EWSR1: variants seen among roughly 807,000 people sequenced by gnomAD.
The protein encoded by EWSR1 is RNA-binding protein EWS.
EWSR1 carries 14 observed loss-of-function variants against 92.1 expected under a neutral mutation model. That is an observed-to-expected ratio of 0.15 (90% CI 0.10 to 0.24). The LOEUF is 0.24. EWSR1 is among the 10% of genes least tolerant of loss of function. The pLI, the probability that EWSR1 is intolerant of heterozygous loss-of-function variation, is 1.00. For missense variants in EWSR1, 637 were observed against 870.9 expected, an observed-to-expected ratio of 0.73 and a Z score of 3.38; for synonymous variants, 303 against 292.9, an observed-to-expected ratio of 1.03 and a Z score of -0.35.
intron 1 of EWSR1, 131 bp downstream of exon 1, chr22:29,268,480 C>A: frequency 6.5e-7 from 1 of 1,529,694 alleles, no homozygotes; most frequent in Non-Finnish European, 9.0e-7. Flanking sequence ...CGCCGCGGCC[C>A]GACGAGCTCG....
At chr22:29,286,872 C>G in intron 6 of EWSR1, 51 bp from the exon 7 acceptor site, 1 of 1,424,636 alleles carries the variant, frequency 7.0e-7, no homozygotes, top group Non-Finnish European at 9.8e-7. Context: ...TTTGAAATAA[C>G]AAGCCTCTTT....
In EWSR1 at chr22:29,300,222, T is replaced by A; in HGVS notation, c.*61T>A. ...ATTTATTTTTTAAACCAGAAAATGT[T>A]TTAAATTTATAATTCCATATTTATA... On this transcript the variant is annotated 3_prime_UTR_variant, in exon 17 of 17. Coordinates refer to ENST00000397938, the MANE Select transcript of EWSR1 (RefSeq NM_005243.4). The A allele has an allele frequency of 6.8e-7, 1 of 1,472,316 alleles. No individual in the cohort carries two copies. Among genetic ancestry groups the A allele is most frequent in the Non-Finnish European group, 9.5e-7 (1 of 1,057,780 alleles). 91.2% of individuals were successfully genotyped at this position (1,472,316 alleles called of 1,614,324 possible).
intron 9 of EWSR1, 194 bp from the exon 10 acceptor site, chr22:29,291,943 G>T: frequency 1.6e-6 from 1 of 612,810 alleles, no homozygotes. Context: ...AACCAGCAAA[G>T]GAAAAAAGCA....
intron 6 of EWSR1, 32 bp from the exon 7 acceptor site, chr22:29,286,891 G>C (rs772873466): frequency 2.7e-6 from 4 of 1,470,224 alleles, no homozygotes; most frequent in Non-Finnish European, 3.8e-6. Flanking sequence ...TTCTAAAAAA[G>C]CTTTTTTTTT....
At chr22:29,275,604 G>A (rs1202441117) in intron 4 of EWSR1, 5 of 229,272 alleles carry the variant, frequency 2.2e-5, no homozygotes, top group African/African-American at 1.1e-4. Flanking sequence ...AACTTAGCAG[G>A]AGCCTAATTG....
In EWSR1 at chr22:29,299,662, G is replaced by A. The variant is rs763277358; in HGVS notation, c.1742G>A (p.Arg581His). The change falls in exon 16 of 17, where the codon CGT becomes CAT. Residue 581 changes from arginine to histidine, a missense_variant. Arg to His is a conservative substitution (Grantham distance 29). This residue lies in a region of EWSR1 where 363 missense variants were observed against 447.8 expected (regional missense o/e 0.81). Transcript: ENST00000397938. ...GGAGGAAGAGGTGGCCTCATGGATC[G>A]TGGTGGTCCCGGTGGAATGTTCAGA... ...MRGGRGGLMD[R>H]GGPGGMFRGG... is the part of the protein sequence containing the mutation. 15 of 1,611,640 alleles carry A rather than the reference G, an allele frequency of 9.3e-6. No individual in the cohort carries two copies. The highest frequency in any genetic ancestry group is 8.0e-5 in the African/African-American group (6 of 74,788).
At position 29,282,471 on chromosome 22, in the gene EWSR1, T is replaced by C. The variant is rs779679844; in HGVS notation, c.495T>C (p.Tyr165=). Residue 165 remains tyrosine (Y), a synonymous_variant, in exon 6 of 17, where the codon TAT becomes TAC. Coordinates refer to ENST00000397938, the MANE Select transcript of EWSR1 (RefSeq NM_005243.4). ...GTTACAACCAGCCCAGCCTAGGATA[T>C]GGACAGAGTAACTACAGTTATCCCC... The part of the protein sequence containing the change: ...TGGYNQPSLG[Y]GQSNYSYPQV... 1.5e-5 allele frequency: 23 copies of C among 1,584,644 alleles called. No individual in the cohort carries two copies. The highest frequency in any genetic ancestry group is 2.0e-5 in the Non-Finnish European group (23 of 1,169,408).
At chr22:29,299,176 C>T in intron 14 of EWSR1, 58 bp from the exon 15 acceptor site, 1 of 1,613,736 alleles carries the variant, frequency 6.2e-7, no homozygotes, top group Non-Finnish European at 8.5e-7. Flanking sequence ...CACCACCTTT[C>T]CTTGTTTATC....
intron 11 of EWSR1, among the ~76,000 whole-genome samples, chr22:29,294,466 C>G (rs998629749): frequency 2.7e-5 from 4 of 150,676 alleles, no homozygotes; most frequent in Non-Finnish European, 5.9e-5. Context: ...ATTAGCCAGG[C>G]TTGGTGGCGG....
chr22:29,275,514 T>C lies in EWSR1; in HGVS notation c.226+1650T>C, dbSNP rs1419213323. 1.8e-5 allele frequency: 4 copies of C among 221,342 alleles called. No individual in the cohort carries two copies. In the East Asian group the frequency reaches 2.7e-4, roughly 15 times the overall value. 13.7% of individuals were successfully genotyped at this position (221,342 alleles called of 1,614,324 possible). A position where few individuals can be genotyped will look rare whatever the true frequency, so the allele number is the denominator to read the frequency against. On this transcript the variant is annotated intron_variant, in intron 4 of 16. Coordinates refer to ENST00000397938, the MANE Select transcript of EWSR1 (RefSeq NM_005243.4). ...ATTCACAGTTTATAGAGTGGCCTTCTTGTCTCCCTTAATCCTCCCAAGAAC... is the reference window on the plus strand; with the variant it reads ...ATTCACAGTTTATAGAGTGGCCTTCCTGTCTCCCTTAATCCTCCCAAGAAC...
intron 1 of EWSR1, among the ~76,000 whole-genome samples, chr22:29,270,248 G>C (rs2058563400): frequency 6.6e-6 from 1 of 152,156 alleles, no homozygotes; most frequent in South Asian, 2.1e-4. Flanking sequence ...ATCTCATGTA[G>C]AAAAGTACGT....
At chr22:29,278,917 C>T (rs1169186500) in intron 5 of EWSR1, among the ~76,000 whole-genome samples, 1 of 151,568 alleles carries the variant, frequency 6.6e-6, no homozygotes, top group Admixed American at 6.6e-5. Flanking sequence ...ATTACTTGAA[C>T]CTGGGAGATG....
chr22:29,268,868 C>T lies in EWSR1; in HGVS notation c.13+519C>T, dbSNP rs774450695. 5.9e-5 allele frequency among the ~76,000 whole-genome samples: 9 copies of T among 152,220 alleles called. No homozygotes were observed. In the South Asian group the frequency reaches 1.7e-3, roughly 28 times the overall value. On this transcript the variant is annotated intron_variant, in intron 1 of 16. Coordinates refer to ENST00000397938, the MANE Select transcript of EWSR1 (RefSeq NM_005243.4). Reference sequence around the variant, plus strand: ...AGGGGTGCCGGCCTATGAGCGGGAGCCCCGTCATCCTTAAGACCCAGTCGG... The same window carrying T: ...AGGGGTGCCGGCCTATGAGCGGGAGTCCCGTCATCCTTAAGACCCAGTCGG...
At chr22:29,285,681 C>T (rs938023348) in intron 6 of EWSR1, among the ~76,000 whole-genome samples, 2 of 151,188 alleles carry the variant, frequency 1.3e-5, no homozygotes, top group East Asian at 1.9e-4. Flanking sequence ...AGATTATTGG[C>T]GGGCAGGCTT....
intron 11 of EWSR1, among the ~76,000 whole-genome samples, chr22:29,294,381 T>C (rs898987029): frequency 4.8e-4 from 73 of 151,202 alleles, no homozygotes; most frequent in African/African-American, 1.7e-3. Flanking sequence ...CCGAGGCGGG[T>C]GGATCACGAG....
chr22:29,300,001 GGCTTCCTC>G, intron 16 of EWSR1, 113 bp from the exon 17 acceptor site: 9 of 918,180 alleles, frequency 9.8e-6, no homozygotes, highest in Non-Finnish European at 1.4e-6. Context: ...GCTCTGGAAG[GGCTTCCTC>G]ACCCCTTCCC....
At chr22:29,298,409 G>C (rs2061039472) in intron 13 of EWSR1, among the ~76,000 whole-genome samples, 1 of 152,078 alleles carries the variant, frequency 6.6e-6, no homozygotes, top group Admixed American at 6.5e-5. Context: ...GGGAGGCTGA[G>C]GCAGGAGAAT....
At chr22:29,291,943 G>C in intron 9 of EWSR1, 194 bp from the exon 10 acceptor site, 1 of 612,810 alleles carries the variant, frequency 1.6e-6, no homozygotes, top group East Asian at 2.8e-5. Flanking sequence ...AACCAGCAAA[G>C]GAAAAAAGCA....
intron 3 of EWSR1, among the ~76,000 whole-genome samples, chr22:29,273,241 A>G (rs2058825326): frequency 1.3e-5 from 2 of 152,220 alleles, no homozygotes; most frequent in Admixed American, 6.5e-5. Flanking sequence ...TAGTAGTTTT[A>G]AAGTCTTTTT....
Sources: allele counts gnomAD v4.1 joint callset (sites outside exome capture counted in the v4.1 genomes callset), GRCh38; gene constraint gnomAD v4.1.1; regional missense constraint gnomAD v4.1.1; transcripts MANE v1.5; gene names NCBI Gene and HGNC (gene_info 2026-07-23, HGNC 2026-07-21).